The following TAFA5 variants were observed in gnomAD, a reference collection of about 807,000 sequenced individuals.
TAFA5 encodes the protein chemokine-like protein TAFA-5.
In TAFA5, 6 loss-of-function variants were observed where a neutral mutation model predicts 15.3. The observed-to-expected ratio is 0.39, with a 90% CI of 0.21 to 0.77. The LOEUF (loss-of-function observed/expected upper bound fraction) is 0.77, where lower values mean the gene tolerates loss of function less well. Ranked by LOEUF, TAFA5 falls within the 30% of genes least tolerant of loss-of-function variation. The pLI is 0.41. For missense variants in TAFA5, 161 were observed against 193.1 expected (o/e 0.83, Z 0.98); for synonymous variants, 103 against 80.7 (o/e 1.28, Z -1.48).
At chr22:48,650,190 T>C (rs1285711652) in intron 2 of TAFA5, among the ~76,000 whole-genome samples, 1 of 152,206 alleles carries the variant, frequency 6.6e-6, no homozygotes, top group Admixed American at 6.5e-5. Flanking sequence ...GAATTGAATG[T>C]GAGTAGGGTT....
chr22:48,533,145 G>A (rs1210302643), intron 1 of TAFA5, among the ~76,000 whole-genome samples: 4 of 152,154 alleles, frequency 2.6e-5, no homozygotes, highest in East Asian at 1.9e-4. Flanking sequence ...GCCTGCTGCC[G>A]CCCAGCCTGA....
chr22:48,589,078 ATCT>A (rs1422061868), intron 1 of TAFA5, among the ~76,000 whole-genome samples: 1 of 152,202 alleles, frequency 6.6e-6, no homozygotes, highest in Non-Finnish European at 1.5e-5. Context: ...CAGAAAATCC[ATCT>A]TCAGACCCTC....
intron 1 of TAFA5, among the ~76,000 whole-genome samples, chr22:48,571,389 C>G (rs1228037179): frequency 6.6e-6 from 1 of 150,712 alleles, no homozygotes; most frequent in Non-Finnish European, 1.5e-5. Context: ...ATTCTCCTGC[C>G]TCAGCATCTG....
intron 1 of TAFA5, among the ~76,000 whole-genome samples, chr22:48,516,367 C>T (rs1282380985): frequency 6.6e-6 from 1 of 152,104 alleles, no homozygotes; most frequent in Non-Finnish European, 1.5e-5. Context: ...CTGCGATTCC[C>T]ATTCCCCTGT....
rs114271096 is a variant in TAFA5 at position 48,658,980 on chromosome 22, C to T, written c.262+12234C>T. Among the ~76,000 whole-genome samples the T allele has an allele frequency of 9.3e-3, 1,409 of 152,280 alleles. 22 individuals are homozygous for T. Among genetic ancestry groups the T allele is most frequent in the African/African-American group, 0.032 (1,347 of 41,552 alleles). The stretch of plus-strand genomic sequence containing the variant: ...TGTAAGAGGAGGTGACGCCTTTGCC[C>T]GTCATTGTCAGGAGCAGGTGCGATT... On this transcript the variant is annotated intron_variant, in intron 2 of 3. Transcript: ENST00000402357.
In TAFA5 at chr22:48,598,958, CT is replaced by C. The variant is rs2147163730; in HGVS notation, c.113-47637del. 6.6e-6 allele frequency among the ~76,000 whole-genome samples: 1 copy of C among 151,996 alleles called. No homozygotes were observed. The highest frequency in any genetic ancestry group is 1.9e-4 in the East Asian group (1 of 5,152). On this transcript the variant is annotated intron_variant, in intron 1 of 3. Transcript: ENST00000402357. This position sits in a 1 kb window ranked among gnomAD's most constrained non-coding sequence, Gnocchi z 4.0. ...GAAGCCCTTTGCTTACCATTCCCTGCTTGTTGTAAAGGGTATGACGGGCTGT... is the reference window on the plus strand; with the variant it reads ...GAAGCCCTTTGCTTACCATTCCCTGCTGTTGTAAAGGGTATGACGGGCTGT...
intron 2 of TAFA5, among the ~76,000 whole-genome samples, chr22:48,690,387 G>T (rs1444388678): frequency 6.6e-6 from 1 of 152,062 alleles, no homozygotes; most frequent in Admixed American, 6.5e-5. Flanking sequence ...GTGGCTCTTT[G>T]GGACGTGTAT....
chr22:48,542,653 G>GTGTGTGTGTGGTT (rs1922493264), intron 1 of TAFA5, among the ~76,000 whole-genome samples: 1 of 138,634 alleles, frequency 7.2e-6, no homozygotes, highest in Non-Finnish European at 1.6e-5. Context: ...TGTGTGTGGT[G>GTGTGTGTGTGGTT]TGTGTGTGGT....
chr22:48,619,178 A>G (rs1367234245), intron 1 of TAFA5, among the ~76,000 whole-genome samples: 1 of 152,210 alleles, frequency 6.6e-6, no homozygotes, highest in Non-Finnish European at 1.5e-5. Flanking sequence ...GACATGCCAC[A>G]TCTCTGCCCA....
chr22:48,620,962 C>T, intron 1 of TAFA5, among the ~76,000 whole-genome samples: 1 of 141,170 alleles, frequency 7.1e-6, no homozygotes, highest in African/African-American at 2.8e-5. Context: ...TCCACCCATC[C>T]ACCTATCCTA....
chr22:48,507,560 C>T (rs774546347), intron 1 of TAFA5, among the ~76,000 whole-genome samples: 67 of 152,336 alleles, frequency 4.4e-4, no homozygotes, highest in Non-Finnish European at 8.7e-4. Context: ...TTGCCCAGCA[C>T]GCCTCCCCAG....
chr22:48,551,790 C>T (rs1187091180), intron 1 of TAFA5, among the ~76,000 whole-genome samples: 3 of 152,184 alleles, frequency 2.0e-5, no homozygotes, highest in African/African-American at 4.8e-5. Flanking sequence ...AGACCCTTCT[C>T]CAGGAGAGCC....
At chr22:48,647,918 G>C (rs1341641610) in intron 2 of TAFA5, among the ~76,000 whole-genome samples, 2 of 152,194 alleles carry the variant, frequency 1.3e-5, no homozygotes, top group African/African-American at 4.8e-5. Context: ...AGAGAAACCA[G>C]CATCCCTGAG....
intron 1 of TAFA5, among the ~76,000 whole-genome samples, chr22:48,579,958 C>A (rs573303664): frequency 3.3e-4 from 50 of 152,172 alleles, no homozygotes; most frequent in Non-Finnish European, 1.3e-4. Context: ...AACTCTATCT[C>A]GGTAAATCCT....
At chr22:48,578,862 G>A (rs938973635) in intron 1 of TAFA5, among the ~76,000 whole-genome samples, 2 of 149,690 alleles carry the variant, frequency 1.3e-5, no homozygotes, top group Non-Finnish European at 3.0e-5. Flanking sequence ...GGTGCAGGGA[G>A]GGGGGTGGCC....
At chr22:48,596,568 A>G (rs28453682) in intron 1 of TAFA5, among the ~76,000 whole-genome samples, 116,146 of 152,084 alleles carry the variant, frequency 0.76, 44,845 homozygotes, top group African/African-American at 0.87. Flanking sequence ...TGCCCCTCCC[A>G]TCCCCACAGG....
At chr22:48,493,168 C>T (rs988595435) in intron 1 of TAFA5, among the ~76,000 whole-genome samples, 5 of 152,342 alleles carry the variant, frequency 3.3e-5, no homozygotes, top group African/African-American at 1.2e-4. Context: ...GTGAAGGACA[C>T]TCTGCACTAG....
In TAFA5 at chr22:48,489,691, C is replaced by T. The variant is rs372018650; in HGVS notation, c.99C>T (p.Leu33=). ...FWAFMILASL[L]IAYCSQLAAG... is the part of the protein sequence containing the mutation. The stretch of plus-strand genomic sequence containing the variant: ...CGTTCATGATCCTGGCCAGCCTGCT[C>T]ATCGCCTACTGCAGTGAGTACCGCG... The change falls in exon 1 of 4, where the codon CTC becomes CTT. Residue 33 remains leucine (L), a synonymous_variant. Transcript: ENST00000402357. The surrounding 1 kb of genome is among the most constrained non-coding windows in gnomAD (Gnocchi z 5.5). 1.8e-5 allele frequency: 27 copies of T among 1,512,502 alleles called. No individual in the cohort carries two copies. In the African/African-American group the frequency reaches 3.3e-4, roughly 19 times the overall value. The allele number at this position is 1,512,502 out of a possible 1,614,324, so 93.7% of individuals were successfully genotyped here.
At chr22:48,655,409 G>T (rs988892306) in intron 2 of TAFA5, among the ~76,000 whole-genome samples, 1 of 152,198 alleles carries the variant, frequency 6.6e-6, no homozygotes, top group African/African-American at 2.4e-5. Flanking sequence ...TGTTCTGGGG[G>T]CTGGGAAGTC....
Sources: gnomAD v4.1 joint callset for allele counts (sites outside exome capture counted in the v4.1 genomes callset) on GRCh38, gnomAD v4.1.1 for gene constraint, Gnocchi (gnomAD v3.1) non-coding constraint, MANE v1.5 for transcripts, NCBI Gene and HGNC (gene_info 2026-07-23, HGNC 2026-07-21) for gene names.